UTRN: variants seen among roughly 807,000 people sequenced by gnomAD.
UTRN encodes utrophin, also known as dystrophin-related protein 1.
UTRN carries 283 observed loss-of-function variants against 463.9 expected under a neutral mutation model. That is an observed-to-expected ratio of 0.61 (90% CI 0.55 to 0.67). The LOEUF (loss-of-function observed/expected upper bound fraction) is 0.67, where lower values mean the gene tolerates loss of function less well. Among genes scored for constraint, UTRN ranks in the 30% least tolerant of loss-of-function variants. UTRN has a pLI of 0.00. For synonymous variants in UTRN, 1,442 were observed against 1,431.5 expected (o/e 1.01, Z -0.17); for missense variants, 3,922 against 4,084.3 (o/e 0.96, Z 1.08).
chr6:144,695,768 A>G (rs1282176313), intron 52 of UTRN, among the ~76,000 whole-genome samples: 1 of 152,270 alleles, frequency 6.6e-6, no homozygotes, highest in East Asian at 1.9e-4. Context: ...AACGTCAGCT[A>G]GAAGACAGGC....
intron 33 of UTRN, among the ~76,000 whole-genome samples, chr6:144,499,055 G>A (rs1165580774): frequency 1.3e-5 from 2 of 152,110 alleles, no homozygotes; most frequent in Non-Finnish European, 2.9e-5. Flanking sequence ...ACCCAGGATT[G>A]CCTGGCACTT....
At chr6:144,568,037 T>A (rs1283270227) in intron 50 of UTRN, among the ~76,000 whole-genome samples, 1 of 152,200 alleles carries the variant, frequency 6.6e-6, no homozygotes, top group Non-Finnish European at 1.5e-5. Context: ...CTATAGGGTG[T>A]CATAGCTGCT....
intron 2 of UTRN, among the ~76,000 whole-genome samples, chr6:144,397,130 G>C (rs1782508068): frequency 6.6e-6 from 1 of 152,098 alleles, no homozygotes; most frequent in African/African-American, 2.4e-5. Context: ...TATAATCCTA[G>C]CTACTTGGGA....
chr6:144,490,187 GGATGT>G lies in UTRN; in HGVS notation c.4253_4257del (p.Asp1418AlafsTer20). The G allele has an allele frequency of 6.2e-7, 1 of 1,608,896 alleles. No homozygotes were observed. The highest frequency in any genetic ancestry group is 8.5e-7 in the Non-Finnish European group (1 of 1,178,332). ...GGACTGCCAGAGGAGGAAGTCAGAT[GGATGT>G]GCTACAGGTAAAGAAGGCCAGGAGC... On this transcript the variant is annotated frameshift_variant, in exon 31 of 75. Transcript: ENST00000367545. LOFTEE classifies it high-confidence loss of function.
intron 66 of UTRN, among the ~76,000 whole-genome samples, chr6:144,824,568 TTATTTATATATATATATATATATA>T (rs1779925245): frequency 5.8e-5 from 4 of 69,068 alleles, no homozygotes; most frequent in African/African-American, 1.0e-4. Flanking sequence ...ATATAGCATT[TTATTTATATATATATATATATATA>T]TATATATATA....
At chr6:144,830,373 A>T (rs1006134626) in intron 69 of UTRN, among the ~76,000 whole-genome samples, 1 of 152,178 alleles carries the variant, frequency 6.6e-6, no homozygotes, top group African/African-American at 2.4e-5. Flanking sequence ...CTACCATGTA[A>T]TGGTATGCTG....
chr6:144,629,311 T>C (rs1438992370), intron 51 of UTRN, among the ~76,000 whole-genome samples: 3 of 152,164 alleles, frequency 2.0e-5, no homozygotes, highest in Non-Finnish European at 4.4e-5. Context: ...CCATAGACTG[T>C]CACCGCCCTT....
chr6:144,691,932 T>C (rs1245069192), intron 52 of UTRN, among the ~76,000 whole-genome samples: 1 of 152,198 alleles, frequency 6.6e-6, no homozygotes, highest in Non-Finnish European at 1.5e-5. Context: ...TGTACAGGTT[T>C]GTTATATAGG....
intron 1 of UTRN, among the ~76,000 whole-genome samples, chr6:144,291,132 T>A (rs1804207942): frequency 1.3e-5 from 2 of 152,182 alleles, no homozygotes; most frequent in Admixed American, 6.5e-5. Flanking sequence ...TCGAACCATC[T>A]ACTGGCTCCC....
chr6:144,824,669 G>C (rs191257403), intron 66 of UTRN, among the ~76,000 whole-genome samples: 156 of 114,666 alleles, frequency 1.4e-3, no homozygotes, highest in African/African-American at 5.3e-3. Context: ...TCCCAGGCTG[G>C]AGTGCAGTGG....
intron 52 of UTRN, among the ~76,000 whole-genome samples, chr6:144,695,906 CTTAA>C (rs1783953600): frequency 6.6e-6 from 1 of 152,104 alleles, no homozygotes; most frequent in African/African-American, 2.4e-5. Context: ...TTGAGATTGT[CTTAA>C]TTAAATATCC....
chr6:144,341,490 A>G (rs1584352090), intron 2 of UTRN, among the ~76,000 whole-genome samples: 1 of 152,334 alleles, frequency 6.6e-6, no homozygotes, highest in East Asian at 1.9e-4. Flanking sequence ...TTGAATAATT[A>G]CTATTCTCCC....
intron 39 of UTRN, among the ~76,000 whole-genome samples, chr6:144,520,142 T>A (rs1795963951): frequency 6.6e-6 from 1 of 152,108 alleles, no homozygotes; most frequent in African/African-American, 2.4e-5. Flanking sequence ...GGAAAACGGG[T>A]CCCACTTTCC....
At chr6:144,578,715 T>A (rs148952256) in intron 51 of UTRN, among the ~76,000 whole-genome samples, 5,901 of 152,346 alleles carry the variant, frequency 0.039, 148 homozygotes, top group Middle Eastern at 0.085. Context: ...ATTATCTGTA[T>A]TGTTGCCTAC....
chr6:144,813,420 C>G (rs892460706), intron 65 of UTRN, among the ~76,000 whole-genome samples: 8 of 152,070 alleles, frequency 5.3e-5, no homozygotes, highest in African/African-American at 1.7e-4. Context: ...ATCTCCTGAC[C>G]TCGTGATCCG....
intron 2 of UTRN, among the ~76,000 whole-genome samples, chr6:144,362,841 A>G (rs1008681121): frequency 6.6e-6 from 1 of 152,172 alleles, no homozygotes; most frequent in African/African-American, 2.4e-5. Flanking sequence ...GCACTGAGTC[A>G]GGACTTTAAA....
chr6:144,511,606 A>G (rs1206078308), intron 35 of UTRN, among the ~76,000 whole-genome samples: 2 of 152,216 alleles, frequency 1.3e-5, no homozygotes, highest in East Asian at 3.8e-4. Context: ...GGACATTATT[A>G]TATCTATCTC....
At chr6:144,508,291 AAAAC>A (rs977367715) in intron 34 of UTRN, among the ~76,000 whole-genome samples, 6 of 152,054 alleles carry the variant, frequency 3.9e-5, no homozygotes, top group South Asian at 2.1e-4. Context: ...GGTGTGAAAA[AAAAC>A]AAACAAACAA....
intron 2 of UTRN, among the ~76,000 whole-genome samples, chr6:144,385,972 G>A (rs1224562223): frequency 6.6e-6 from 1 of 152,096 alleles, no homozygotes; most frequent in African/African-American, 2.4e-5. Flanking sequence ...GCCTCCCAAA[G>A]TGCTGGGATT....
Sources: allele counts gnomAD v4.1 joint callset (sites outside exome capture counted in the v4.1 genomes callset), GRCh38; gene constraint gnomAD v4.1.1; transcripts MANE v1.5; gene names NCBI Gene and HGNC (gene_info 2026-07-23, HGNC 2026-07-21).